The following LDLRAD4 variants were observed in gnomAD, a reference collection of about 807,000 sequenced individuals.
The protein encoded by LDLRAD4 is low density lipoprotein receptor class A domain containing 4, also known as low-density lipoprotein receptor class A domain-containing protein 4.
A neutral mutation model predicts 17.0 loss-of-function variants in LDLRAD4; 5 were observed. That is an observed-to-expected ratio of 0.29 (90% CI 0.15 to 0.62). The LOEUF (loss-of-function observed/expected upper bound fraction) is 0.62, where lower values mean the gene tolerates loss of function less well. Among genes scored for constraint, LDLRAD4 ranks in the 20% least tolerant of loss-of-function variants. LDLRAD4 has a pLI of 0.84. For synonymous variants in LDLRAD4, 168 were observed against 171.8 expected, an observed-to-expected ratio of 0.98 and a Z score of 0.17; for missense variants, 340 against 424.7, an observed-to-expected ratio of 0.80 and a Z score of 1.75.
chr18:13,580,303 C>G (rs187721111), intron 3 of LDLRAD4, among the ~76,000 whole-genome samples: 1 of 152,168 alleles, frequency 6.6e-6, no homozygotes, highest in South Asian at 2.1e-4. Context: ...CTGTGGTCAC[C>G]CCACCTTGGC....
At chr18:13,376,354 G>C (rs531133258) in intron 1 of LDLRAD4, among the ~76,000 whole-genome samples, 1 of 152,162 alleles carries the variant, frequency 6.6e-6, no homozygotes, top group Non-Finnish European at 1.5e-5. Flanking sequence ...AGGCTGGCGC[G>C]GCCCACGGTC....
intron 1 of LDLRAD4, among the ~76,000 whole-genome samples, chr18:13,245,168 G>T (rs569950197): frequency 1.3e-5 from 2 of 152,210 alleles, no homozygotes; most frequent in African/African-American, 2.4e-5. Context: ...TGTGGAGCTC[G>T]TGGGCAGGAG....
chr18:13,539,581 G>A (rs1236620190), intron 3 of LDLRAD4, among the ~76,000 whole-genome samples: 2 of 151,856 alleles, frequency 1.3e-5, no homozygotes, highest in African/African-American at 4.8e-5. Context: ...CTGACTCCAT[G>A]CACCTATTTA....
intron 3 of LDLRAD4, chr18:13,515,567 T>C (rs1360220874): frequency 6.6e-6 from 1 of 152,260 alleles, no homozygotes; most frequent in East Asian, 1.9e-4. Flanking sequence ...GAAAGGTTCC[T>C]GCTGTTTTGC....
intron 3 of LDLRAD4, among the ~76,000 whole-genome samples, chr18:13,539,694 A>G (rs7507114): frequency 0.45 from 68,381 of 151,904 alleles, 16,839 homozygotes; most frequent in East Asian, 0.82. Flanking sequence ...GAGGAAAGAC[A>G]TGACATCTGA....
chr18:13,435,883 T>G (rs1230738324), intron 2 of LDLRAD4, among the ~76,000 whole-genome samples: 1 of 152,254 alleles, frequency 6.6e-6, no homozygotes, highest in Non-Finnish European at 1.5e-5. Context: ...TTGGGGAACT[T>G]TGTTATGCAT....
intron 1 of LDLRAD4, among the ~76,000 whole-genome samples, chr18:13,364,717 C>T (rs139292413): frequency 5.5e-4 from 84 of 152,236 alleles, no homozygotes; most frequent in South Asian, 2.1e-4. Flanking sequence ...CCTCAGTGGA[C>T]GCACTTTGTT....
intron 3 of LDLRAD4, chr18:13,522,367 T>C (rs4797784): frequency 0.99 from 151,117 of 152,276 alleles, 74,993 homozygotes; most frequent in Middle Eastern, 1. Context: ...GTTTTTTTAA[T>C]ATTTGTGTAG....
At chr18:13,236,534 C>G (rs371610792) in intron 1 of LDLRAD4, 1 of 152,144 alleles carries the variant, frequency 6.6e-6, no homozygotes, top group Admixed American at 6.6e-5. Context: ...GTCTCAAACT[C>G]AGGTGATCCG....
chr18:13,494,416 G>A (rs2093418198), intron 3 of LDLRAD4, among the ~76,000 whole-genome samples: 1 of 151,756 alleles, frequency 6.6e-6, no homozygotes, highest in African/African-American at 2.4e-5. Context: ...ATGTGCCACC[G>A]AAACTCTAAA....
intron 1 of LDLRAD4, among the ~76,000 whole-genome samples, chr18:13,234,635 G>T (rs1260920305): frequency 2.0e-5 from 3 of 152,172 alleles, no homozygotes; most frequent in Non-Finnish European, 4.4e-5. Flanking sequence ...GCCTCCGTGG[G>T]TTGGGACAGG....
intron 2 of LDLRAD4, among the ~76,000 whole-genome samples, chr18:13,396,855 A>AT (rs1439124306): frequency 1.3e-5 from 2 of 152,210 alleles, no homozygotes; most frequent in African/African-American, 4.8e-5. Context: ...TGAATCTGCA[A>AT]ATGTAGAAAC....
At chr18:13,278,868 A>G (rs1256704620) in intron 1 of LDLRAD4, among the ~76,000 whole-genome samples, 2 of 152,168 alleles carry the variant, frequency 1.3e-5, no homozygotes, top group African/African-American at 2.4e-5. Context: ...AAACAACTTG[A>G]TGAGGAATCC....
chr18:13,347,690 C>A (rs952445441), intron 1 of LDLRAD4, among the ~76,000 whole-genome samples: 4 of 152,318 alleles, frequency 2.6e-5, no homozygotes, highest in Middle Eastern at 3.4e-3. Context: ...TCCATTCTCC[C>A]CGTCACTTTC....
At chr18:13,580,653 A>G (rs1414461674) in intron 3 of LDLRAD4, among the ~76,000 whole-genome samples, 1 of 151,464 alleles carries the variant, frequency 6.6e-6, no homozygotes, top group East Asian at 2.0e-4. Flanking sequence ...TGGTCCCCAG[A>G]CTTCTCGGGG....
At chr18:13,342,157 T>C (rs1177984379) in intron 1 of LDLRAD4, among the ~76,000 whole-genome samples, 1 of 152,118 alleles carries the variant, frequency 6.6e-6, no homozygotes, top group Non-Finnish European at 1.5e-5. Flanking sequence ...TGGGGATTTT[T>C]ATATTAATAT....
chr18:13,629,614 T>C (rs2041485632), intron 4 of LDLRAD4, among the ~76,000 whole-genome samples: 1 of 152,276 alleles, frequency 6.6e-6, no homozygotes, highest in African/African-American at 2.4e-5. Flanking sequence ...ACATGGTTTC[T>C]ATGGTGGCTA....
chr18:13,374,357 C>T (rs2084743798), intron 1 of LDLRAD4, among the ~76,000 whole-genome samples: 2 of 152,222 alleles, frequency 1.3e-5, no homozygotes, highest in South Asian at 4.1e-4. Context: ...GCAGGAGTGG[C>T]TGTCTGTCCA....
At chr18:13,320,442 C>T (rs1177746158) in intron 1 of LDLRAD4, among the ~76,000 whole-genome samples, 2 of 152,180 alleles carry the variant, frequency 1.3e-5, no homozygotes, top group Non-Finnish European at 2.9e-5. Context: ...CCTGTCTGAG[C>T]CTGCTGCTCT....
Sources: gnomAD v4.1 joint callset for allele counts (sites outside exome capture counted in the v4.1 genomes callset) on GRCh38, gnomAD v4.1.1 for gene constraint, MANE v1.5 for transcripts, NCBI Gene and HGNC (gene_info 2026-07-23, HGNC 2026-07-21) for gene names.